Variants in VGLL4 observed in about 807,000 individuals in gnomAD.
The protein encoded by VGLL4 is transcription cofactor vestigial-like protein 4.
Under a neutral mutation model 21.0 loss-of-function variants are expected in VGLL4, and 7 were observed. The ratio of observed to expected loss-of-function variants is 0.33; its 90% CI spans 0.19 to 0.63. The LOEUF (loss-of-function observed/expected upper bound fraction) is 0.63, where lower values mean the gene tolerates loss of function less well. Among genes scored for constraint, VGLL4 ranks in the 20% least tolerant of loss-of-function variants. The pLI is 0.78. For synonymous variants in VGLL4, 222 were observed against 173.2 expected, an observed-to-expected ratio of 1.28 and a Z score of -2.21; for missense variants, 394 against 425.7, an observed-to-expected ratio of 0.93 and a Z score of 0.66.
At chr3:11,693,980 G>A (rs2076569018) in intron 2 of VGLL4, among the ~76,000 whole-genome samples, 1 of 152,150 alleles carries the variant, frequency 6.6e-6, no homozygotes, top group Non-Finnish European at 1.5e-5. Context: ...AGGTTTCACA[G>A]CCAGGCTGCT....
At chr3:11,592,846 G>A (rs941880634) in intron 2 of VGLL4, among the ~76,000 whole-genome samples, 3 of 152,104 alleles carry the variant, frequency 2.0e-5, no homozygotes, top group African/African-American at 4.8e-5. Flanking sequence ...AGGATAAAAC[G>A]ATCGTGCCCA....
chr3:11,615,155 C>T lies in VGLL4; in HGVS notation c.83-13133G>A, dbSNP rs117589729. Among the ~76,000 whole-genome samples the T allele has an allele frequency of 3.3e-5, 5 of 152,316 alleles. No homozygotes were observed. The East Asian group carries it at 7.7e-4, about 24-fold the overall frequency. The stretch of plus-strand genomic sequence containing the variant: ...TCATACCCAACAAAGTTAAAGTTGA[C>T]GTATTGTCATTATCTAATATCCAGT... On this transcript the variant is annotated intron_variant, in intron 1 of 4. Coordinates refer to ENST00000430365, the MANE Select transcript of VGLL4 (RefSeq NM_001128219.3).
At chr3:11,670,804 G>A (rs992317621) in intron 2 of VGLL4, among the ~76,000 whole-genome samples, 1 of 152,170 alleles carries the variant, frequency 6.6e-6, no homozygotes, top group African/African-American at 2.4e-5. Flanking sequence ...TTGGGAGGCT[G>A]AGGCTGGCGG....
At position 11,564,860 on chromosome 3, in the gene VGLL4, G is replaced by A. The variant is rs368925142; in HGVS notation, c.432C>T (p.Asn144=). The A allele has an allele frequency of 3.1e-6, 5 of 1,608,678 alleles. No individual in the cohort carries two copies. In the East Asian group the frequency reaches 8.9e-5, roughly 29 times the overall value. The change falls in exon 3 of 5, where the codon AAC becomes AAT. Residue 144 remains asparagine (N), a synonymous_variant. Transcript: ENST00000430365. Reference sequence around the variant, plus strand: ...CGGCTGGCCTGCTGGCGTCCAGGCTGTTCTTGGTCAGTGCGAGGGGCTGCT... The same window carrying A: ...CGGCTGGCCTGCTGGCGTCCAGGCTATTCTTGGTCAGTGCGAGGGGCTGCT... The part of the protein sequence containing the change: ...GLEQPLALTK[N]SLDASRPAGL...
chr3:11,693,091 G>T, intron 2 of VGLL4: 1 of 205,610 alleles, frequency 4.9e-6, no homozygotes. Context: ...GATCACTTGA[G>T]CCCCAGGGGG....
Position 11,596,525 on chromosome 3 carries a change from G to A in VGLL4, c.272+5308C>T, listed in dbSNP as rs73814907. Among the ~76,000 whole-genome samples, 605 of 152,294 alleles carry A rather than the reference G, an allele frequency of 4.0e-3. 3 individuals carry two copies. The highest frequency in any genetic ancestry group is 0.014 in the African/African-American group (567 of 41,576). ...GAACCAGGGAGATAGAGTATGGAAC[G>A]GGGAGGGCGAGGAGGAGCTCGGGAG... On this transcript the variant is annotated intron_variant, in intron 2 of 4. Transcript: ENST00000430365.
chr3:11,652,006 A>G (rs1225556434), intron 2 of VGLL4, among the ~76,000 whole-genome samples: 1 of 152,190 alleles, frequency 6.6e-6, no homozygotes, highest in Non-Finnish European at 1.5e-5. Flanking sequence ...CTCAACTTCT[A>G]TTAAGTAGCG....
intron 1 of VGLL4, among the ~76,000 whole-genome samples, chr3:11,616,185 C>A (rs1369644366): frequency 6.6e-6 from 1 of 152,046 alleles, no homozygotes; most frequent in East Asian, 1.9e-4. Context: ...GTGTGGTCTG[C>A]ACACGCAGGG....
chr3:11,674,010 TCAA>T (rs1345729344), intron 2 of VGLL4, among the ~76,000 whole-genome samples: 1 of 40,724 alleles, frequency 2.5e-5, no homozygotes, highest in Admixed American at 4.1e-4. Flanking sequence ...AGACTTTGTC[TCAA>T]AAAAAAAAAA....
At chr3:11,641,117 CCAA>C (rs1203350649) in intron 1 of VGLL4, among the ~76,000 whole-genome samples, 1 of 47,328 alleles carries the variant, frequency 2.1e-5, no homozygotes. Context: ...GACTTCATCA[CCAA>C]AAAAAAAAAA....
At chr3:11,690,070 T>A (rs1331016468) in intron 2 of VGLL4, among the ~76,000 whole-genome samples, 1 of 152,224 alleles carries the variant, frequency 6.6e-6, no homozygotes, top group Admixed American at 6.5e-5. Context: ...GACCATTGTA[T>A]AAATGTAATG....
At chr3:11,721,298 C>T (rs1336830521), upstream of VGLL4, 1 of 152,178 alleles carries the variant, frequency 6.6e-6, no homozygotes, top group East Asian at 1.9e-4. Context: ...GATCTTAGCC[C>T]CTGTTGGATA....
At chr3:11,592,850 G>A (rs900455435) in intron 2 of VGLL4, among the ~76,000 whole-genome samples, 3 of 152,084 alleles carry the variant, frequency 2.0e-5, no homozygotes, top group Non-Finnish European at 2.9e-5. Context: ...TAAAACGATC[G>A]TGCCCATGAA....
At chr3:11,702,731 C>CAAA (rs370716518) in intron 2 of VGLL4, 36 of 132,312 alleles carry the variant, frequency 2.7e-4, no homozygotes, top group African/African-American at 5.9e-4. Flanking sequence ...GATCCCATCT[C>CAAA]AAAAAAAAAA....
At chr3:11,626,422 C>G (rs2075353531) in intron 1 of VGLL4, 2 of 456,716 alleles carry the variant, frequency 4.4e-6, no homozygotes, top group Non-Finnish European at 8.8e-6. Flanking sequence ...CCTCTTATTA[C>G]TTCAAAGATA....
chr3:11,705,899 C>A (rs1045896304), intron 1 of VGLL4, among the ~76,000 whole-genome samples: 5 of 143,106 alleles, frequency 3.5e-5, no homozygotes, highest in Admixed American at 2.9e-4. Context: ...CCAGCCTGGG[C>A]GACAGAGCGA....
rs144987154 is a variant in VGLL4 at position 11,638,960 on chromosome 3, A to C, written c.82+4477T>G. The stretch of plus-strand genomic sequence containing the variant: ...TGAAACAAGGGATAACTGTGCCTAA[A>C]ACAATGAACCGTTCTAAAGCTTGAA... On this transcript the variant is annotated intron_variant, in intron 1 of 4. Transcript: ENST00000430365. Among the ~76,000 whole-genome samples the C allele has an allele frequency of 3.2e-3, 494 of 152,334 alleles. 3 individuals carry two copies. The highest frequency in any genetic ancestry group is 4.7e-3 in the Non-Finnish European group (322 of 68,032).
chr3:11,571,926 G>A (rs1252946115), intron 2 of VGLL4, among the ~76,000 whole-genome samples: 3 of 152,190 alleles, frequency 2.0e-5, no homozygotes, highest in African/African-American at 7.2e-5. Flanking sequence ...GGGAAACATG[G>A]CAAAACCCTG....
intron 2 of VGLL4, among the ~76,000 whole-genome samples, chr3:11,683,709 G>A (rs1203662055): frequency 3.3e-5 from 5 of 151,934 alleles, no homozygotes; most frequent in Admixed American, 6.6e-5. Flanking sequence ...CAGGAGAATT[G>A]CTTCAACCCA....
Sources: allele counts gnomAD v4.1 joint callset (sites outside exome capture counted in the v4.1 genomes callset), GRCh38; gene constraint gnomAD v4.1.1; transcripts MANE v1.5; gene names NCBI Gene and HGNC (gene_info 2026-07-23, HGNC 2026-07-21).